Variants in ZNF711 observed in about 807,000 individuals in gnomAD.
ZNF711 encodes zinc finger protein 711.
Under a neutral mutation model 43.5 loss-of-function variants are expected in ZNF711, and 3 were observed. The observed-to-expected ratio is 0.07, with a 90% CI of 0.03 to 0.18. The LOEUF (loss-of-function observed/expected upper bound fraction) is 0.18, where lower values mean the gene tolerates loss of function less well. Ranked by LOEUF, ZNF711 falls within the 10% of genes least tolerant of loss-of-function variation. ZNF711 has a pLI of 1.00. For missense variants in ZNF711, 412 were observed against 604.0 expected, an observed-to-expected ratio of 0.68 and a Z score of 3.33; for synonymous variants, 209 against 207.7, an observed-to-expected ratio of 1.01 and a Z score of -0.06.
intron 4 of ZNF711, among the ~76,000 whole-genome samples, chrX:85,255,057 A>G (rs1041532558): frequency 8.9e-6 from 1 of 111,775 alleles, no homozygotes; most frequent in Non-Finnish European, 1.9e-5. Context: ...TTTTACTAAC[A>G]TCGTTTTCAC....
At chrX:85,265,329 A>C (rs958576001) in intron 7 of ZNF711, 74 bp downstream of exon 7, 2 of 1,073,455 alleles carry the variant, frequency 1.9e-6, no homozygotes, top group Admixed American at 4.4e-5. Context: ...TCAGAGATAC[A>C]AGCACTGTAT....
Position 85,270,285 on chromosome X carries a change from T to G in ZNF711, c.1246+139T>G, listed in dbSNP as rs1007439414. On this transcript the variant is annotated intron_variant, in intron 10 of 10. Transcript: ENST00000674551. ...TGTGTATGCTATAGATAATTGTTTT[T>G]TTTTTTTTTTACTTTGTGTGACTGG... The G allele has an allele frequency of 1.1e-5, 7 of 651,602 alleles. No homozygotes were observed. The Admixed American group carries it at 1.2e-4, about 11-fold the overall frequency. The allele number at this position is 651,602 out of a possible 1,213,427, so 53.7% of individuals were successfully genotyped here.
intron 4 of ZNF711, among the ~76,000 whole-genome samples, chrX:85,251,513 A>G (rs772371487): frequency 9.0e-6 from 1 of 111,579 alleles, no homozygotes; most frequent in African/African-American, 3.2e-5. Flanking sequence ...GTGATGTTCC[A>G]AGTATTCATA....
At position 85,271,534 on chromosome X, in the gene ZNF711, C is replaced by T; in HGVS notation, c.2130C>T (p.Gly710=). 1 of 1,211,050 alleles carries T rather than the reference C, an allele frequency of 8.3e-7. No individual in the cohort carries two copies. Reference sequence around the variant, plus strand: ...CATCCGATCCATTTATTCTTAGTGGCCATATCCTTTCAGTTCATACTAAAG... The same window carrying T: ...CATCCGATCCATTTATTCTTAGTGGTCATATCCTTTCAGTTCATACTAAAG... ...FKTSDPFILS[G]HILSVHTKDQ... Residue 710 remains glycine, a synonymous_variant, in exon 11 of 11, where the codon GGC becomes GGT. Coordinates refer to ENST00000674551, the MANE Select transcript of ZNF711 (RefSeq NM_001330574.2).
At chrX:85,248,472 CAAAAAA>C (rs1166126484) in intron 4 of ZNF711, among the ~76,000 whole-genome samples, 1 of 19,968 alleles carries the variant, frequency 5.0e-5, no homozygotes, top group Non-Finnish European at 9.9e-5. Flanking sequence ...GACTCAGTCT[CAAAAAA>C]AAAAAAAAAA....
intron 4 of ZNF711, among the ~76,000 whole-genome samples, chrX:85,250,087 ATTTG>A (rs1929417668): frequency 8.9e-6 from 1 of 112,265 alleles, no homozygotes. Flanking sequence ...CATTTGGTTT[ATTTG>A]TTTATCAGTT....
chrX:85,246,042 T>C lies in ZNF711; in HGVS notation c.-286+20T>C, dbSNP rs897128970. On this transcript the variant is annotated intron_variant, in intron 2 of 10. Transcript: ENST00000674551. ...ATAAAGGTGACTAACAAATTACTTATTGTTTTATCTTATTTAACAGTTAAA... is the reference window on the plus strand; with the variant it reads ...ATAAAGGTGACTAACAAATTACTTACTGTTTTATCTTATTTAACAGTTAAA... 1.8e-5 allele frequency: 2 copies of C among 112,386 alleles called. No individual in the cohort carries two copies. Among genetic ancestry groups the C allele is most frequent in the Admixed American group, 9.4e-5 (1 of 10,664 alleles). 9.3% of individuals were successfully genotyped at this position (112,386 alleles called of 1,213,427 possible).
Position 85,259,814 on chromosome X carries a change from A to G in ZNF711, c.622+4013A>G, listed in dbSNP as rs747632917. Among the ~76,000 whole-genome samples, 10 of 111,476 alleles carry G rather than the reference A, an allele frequency of 9.0e-5. No individual in the cohort carries two copies. In the South Asian group the frequency reaches 3.3e-3, roughly 37 times the overall value. The stretch of plus-strand genomic sequence containing the variant: ...GCAGAGTCCTTAGGGTTTTCTAAGT[A>G]TAGAATCATATCATCAGCAAAGAGA... On this transcript the variant is annotated intron_variant, in intron 5 of 10. Transcript: ENST00000674551.
intron 5 of ZNF711, among the ~76,000 whole-genome samples, chrX:85,262,201 A>G (rs1231825330): frequency 9.0e-6 from 1 of 110,983 alleles, no homozygotes; most frequent in Non-Finnish European, 1.9e-5. Context: ...GAATAGTATT[A>G]GTAATTTCAT....
rs1929098803 is a variant in ZNF711 at position 85,247,004 on chromosome X, G to T, written c.-211G>T. On this transcript the variant is annotated 5_prime_UTR_variant, in exon 3 of 11. Transcript: ENST00000674551. ...TAGAGTGAGGCCAGAAGTCCTTACT[G>T]GTTCAAAGAACTCCGGGGAAACTGG... The T allele has an allele frequency of 1.7e-5, 5 of 297,520 alleles. No individual in the cohort carries two copies. In the Admixed American group the frequency reaches 3.0e-4, roughly 18 times the overall value. 24.5% of individuals were successfully genotyped at this position (297,520 alleles called of 1,213,427 possible).
chrX:85,272,050 A>G lies in ZNF711; in HGVS notation c.*222A>G, dbSNP rs2147878498. On this transcript the variant is annotated 3_prime_UTR_variant, in exon 11 of 11. Transcript: ENST00000674551. ...AGCACTATAGAATGGTTACAGAAAA[A>G]CTTCTTAAGTATCTGTGTAATAGTA... 4.9e-6 allele frequency: 2 copies of G among 411,835 alleles called. No homozygotes were observed. The highest frequency in any genetic ancestry group is 7.9e-5 in the East Asian group (2 of 25,416). The allele number at this position is 411,835 out of a possible 1,213,427, so 33.9% of individuals were successfully genotyped here.
chrX:85,244,123 A>AGGCGGC lies in ZNF711; in HGVS notation c.-455_-450dup, dbSNP rs758475553. Reference sequence around the variant, plus strand: ...GGTCACAGTCCGACTGGCGGCACGGAGGCGGCGGCGGCGGCGGCGGCGGCA... The same window carrying AGGCGGC: ...GGTCACAGTCCGACTGGCGGCACGGAGGCGGCGGCGGCGGCGGCGGCGGCGGCGGCA... On this transcript the variant is annotated 5_prime_UTR_variant, in exon 1 of 11. Transcript: ENST00000674551. The AGGCGGC allele has an allele frequency of 0.025, 3,660 of 147,258 alleles. 180 individuals are homozygous for AGGCGGC. The highest frequency in any genetic ancestry group is 0.12 in the African/African-American group (3,457 of 30,022). The allele number at this position is 147,258 out of a possible 1,213,427, so 12.1% of individuals were successfully genotyped here.
rs1603009803 is a variant in ZNF711 at position 85,272,018 on chromosome X, T to C, written c.*190T>C. ...AGCCCTTTGAAAATTACTTAAAGAA[T>C]TTAAGAAGCACTATAGAATGGTTAC... On this transcript the variant is annotated 3_prime_UTR_variant, in exon 11 of 11. Coordinates refer to ENST00000674551, the MANE Select transcript of ZNF711 (RefSeq NM_001330574.2). 2.5e-5 allele frequency: 11 copies of C among 443,028 alleles called. No individual in the cohort carries two copies. Among genetic ancestry groups the C allele is most frequent in the Non-Finnish European group, 1.6e-5 (4 of 256,489 alleles). 36.5% of individuals were successfully genotyped at this position (443,028 alleles called of 1,213,427 possible). A position where few individuals can be genotyped will look rare whatever the true frequency, so the allele number is the denominator to read the frequency against.
intron 5 of ZNF711, among the ~76,000 whole-genome samples, chrX:85,259,627 T>C (rs2147836289): frequency 9.0e-6 from 1 of 111,206 alleles, no homozygotes; most frequent in South Asian, 3.8e-4. Flanking sequence ...TGGTTAAATA[T>C]ATTCCTGGGT....
intron 5 of ZNF711, among the ~76,000 whole-genome samples, chrX:85,261,936 A>G (rs1164986900): frequency 1.8e-5 from 2 of 111,075 alleles, no homozygotes; most frequent in African/African-American, 3.2e-5. Context: ...TTGATTGCCT[A>G]TTAAGTCTTT....
intron 5 of ZNF711, among the ~76,000 whole-genome samples, chrX:85,260,588 A>G (rs1930544179): frequency 2.7e-5 from 2 of 75,228 alleles, no homozygotes; most frequent in Admixed American, 1.6e-4. Context: ...AAGAAACCCT[A>G]TACCCTTTAG....
At chrX:85,248,329 C>G (rs1214980903) in intron 4 of ZNF711, among the ~76,000 whole-genome samples, 2 of 108,377 alleles carry the variant, frequency 1.8e-5, no homozygotes, top group Non-Finnish European at 3.8e-5. Context: ...ATTAGCTGAG[C>G]GTGGTGGAGC....
At position 85,271,887 on chromosome X, in the gene ZNF711, ACT is replaced by A; in HGVS notation, c.*63_*64del. ...GATATGATATGCTACTTGGGAGAAA[ACT>A]CTCACTAACTGTCTCACCGGGTTTC... On this transcript the variant is annotated 3_prime_UTR_variant, in exon 11 of 11. Transcript: ENST00000674551. 1.1e-6 allele frequency: 1 copy of A among 930,972 alleles called. No homozygotes were observed. The highest frequency in any genetic ancestry group is 1.5e-6 in the Non-Finnish European group (1 of 650,255). The allele number at this position is 930,972 out of a possible 1,213,427, so 76.7% of individuals were successfully genotyped here.
intron 4 of ZNF711, among the ~76,000 whole-genome samples, chrX:85,247,902 C>A (rs777250198): frequency 2.7e-5 from 3 of 110,844 alleles, no homozygotes; most frequent in Non-Finnish European, 5.7e-5. Context: ...ATGAAAAACT[C>A]AATTTACATA....
Sources: allele counts gnomAD v4.1 joint callset (sites outside exome capture counted in the v4.1 genomes callset), GRCh38; gene constraint gnomAD v4.1.1; transcripts MANE v1.5; gene names NCBI Gene and HGNC (gene_info 2026-07-23, HGNC 2026-07-21).